The following PIK3R4 variants were observed in gnomAD, a reference collection of about 807,000 sequenced individuals.
PIK3R4 encodes the protein phosphoinositide 3-kinase regulatory subunit 4.
A neutral mutation model predicts 136.5 loss-of-function variants in PIK3R4; 46 were observed. That is an observed-to-expected ratio of 0.34 (90% CI 0.27 to 0.43). The LOEUF (loss-of-function observed/expected upper bound fraction) is 0.43. Ranked by LOEUF, PIK3R4 falls within the 20% of genes least tolerant of loss-of-function variation. The pLI is 1.00. For synonymous variants in PIK3R4, 557 were observed against 566.7 expected (o/e 0.98, Z 0.24); for missense variants, 1,331 against 1,649.5 (o/e 0.81, Z 3.35).
Position 130,745,063 on chromosome 3 carries a change from C to G in PIK3R4, c.156G>C (p.Val52=). 6.2e-7 allele frequency: 1 copy of G among 1,613,214 alleles called. No individual in the cohort carries two copies. The highest frequency in any genetic ancestry group is 8.5e-7 in the Non-Finnish European group (1 of 1,179,840). ...TGGGATCCTGAATTGCAAAAACCTT[C>G]ACAACGACCAGGCCTTCTCGGTGCT... ...RAKHREGLVV[V]KVFAIQDPTL... is the part of the protein sequence containing the mutation. Residue 52 remains valine (V), a synonymous_variant, in exon 2 of 20, where the codon GTG becomes GTC. Transcript: ENST00000356763.
At chr3:130,705,215 T>C (rs1470857402) in intron 12 of PIK3R4, among the ~76,000 whole-genome samples, 1 of 152,190 alleles carries the variant, frequency 6.6e-6, no homozygotes, top group African/African-American at 2.4e-5. Flanking sequence ...ATGTTAAACC[T>C]TCCAGAAATT....
chr3:130,717,400 A>C (rs1434527588), intron 8 of PIK3R4, among the ~76,000 whole-genome samples: 1 of 152,216 alleles, frequency 6.6e-6, no homozygotes, highest in Non-Finnish European at 1.5e-5. Flanking sequence ...CAAACTTTTA[A>C]ATAGAGTAAC....
chr3:130,700,674 G>A (rs2066569506), intron 13 of PIK3R4, among the ~76,000 whole-genome samples: 1 of 152,112 alleles, frequency 6.6e-6, no homozygotes, highest in Non-Finnish European at 1.5e-5. Flanking sequence ...CACTCATGGG[G>A]GAAACTCCTC....
Position 130,712,233 on chromosome 3 carries a change from C to T in PIK3R4, c.2332-3741G>A, listed in dbSNP as rs138682379. 2.3e-3 allele frequency among the ~76,000 whole-genome samples: 352 copies of T among 152,174 alleles called. 1 individual carries two copies. Among genetic ancestry groups the T allele is most frequent in the African/African-American group, 8.0e-3 (330 of 41,486 alleles). ...GCTGGTCTAGAAAGGCCTACTTTAC[C>T]CATGATGTGTCTCAAGTACAGTCCC... On this transcript the variant is annotated intron_variant, in intron 9 of 19. Transcript: ENST00000356763.
intron 6 of PIK3R4, chr3:130,723,937 T>A (rs2066717636): frequency 6.1e-6 from 1 of 164,734 alleles, no homozygotes; most frequent in Non-Finnish European, 1.3e-5. Context: ...TGAAAAGAAT[T>A]CTATTTTCAG....
intron 14 of PIK3R4, 107 bp downstream of exon 14, chr3:130,690,383 T>G (rs998673071): frequency 6.0e-6 from 3 of 502,972 alleles, no homozygotes; most frequent in Non-Finnish European, 1.0e-5. Context: ...AGAAGTGCAA[T>G]GTAAGAGGCC....
chr3:130,722,815 G>A (rs935164810), intron 7 of PIK3R4, among the ~76,000 whole-genome samples: 2 of 150,986 alleles, frequency 1.3e-5, no homozygotes, highest in Non-Finnish European at 2.9e-5. Flanking sequence ...CCAGCACTTC[G>A]GGAGGCTGGA....
chr3:130,679,726 T>C (rs1182423035), intron 19 of PIK3R4, among the ~76,000 whole-genome samples: 1 of 152,162 alleles, frequency 6.6e-6, no homozygotes, highest in Non-Finnish European at 1.5e-5. Flanking sequence ...CTTAGGTCAA[T>C]ATTCTGTGCA....
At chr3:130,699,973 C>A (rs944318347) in intron 13 of PIK3R4, among the ~76,000 whole-genome samples, 10 of 152,226 alleles carry the variant, frequency 6.6e-5, no homozygotes, top group African/African-American at 2.4e-4. Context: ...CACCAGAGGG[C>A]ACTATATGAG....
intron 6 of PIK3R4, among the ~76,000 whole-genome samples, chr3:130,724,481 T>C (rs573038151): frequency 2.0e-5 from 3 of 152,132 alleles, no homozygotes; most frequent in African/African-American, 7.2e-5. Context: ...TTCATAATCA[T>C]GTATTTTGTT....
At position 130,700,318 on chromosome 3, in the gene PIK3R4, T is replaced by G. The variant is rs1033454312; in HGVS notation, c.3098+3405A>C. The stretch of plus-strand genomic sequence containing the variant: ...TGCTCATATTGTTTTAAGTTTTCAC[T>G]GTGATAGAACTCCATTTAGATATTT... On this transcript the variant is annotated intron_variant, in intron 13 of 19. Transcript: ENST00000356763. 2.6e-5 allele frequency among the ~76,000 whole-genome samples: 4 copies of G among 152,342 alleles called. 1 individual carries two copies. Among genetic ancestry groups the G allele is most frequent in the Admixed American group, 6.5e-5 (1 of 15,306 alleles).
chr3:130,724,396 A>T (rs2066720164), intron 6 of PIK3R4, among the ~76,000 whole-genome samples: 1 of 152,156 alleles, frequency 6.6e-6, no homozygotes, highest in Non-Finnish European at 1.5e-5. Flanking sequence ...GGGGAGAGTC[A>T]CTGAATTGGG....
At chr3:130,708,218 T>C in intron 10 of PIK3R4, 73 bp downstream of exon 10, 1 of 1,167,764 alleles carries the variant, frequency 8.6e-7, no homozygotes, top group Middle Eastern at 2.0e-4. Context: ...ATTTTATTAT[T>C]AATTAGCTAA....
intron 12 of PIK3R4, 109 bp downstream of exon 12, chr3:130,705,452 T>C (rs1347843692): frequency 2.8e-6 from 2 of 709,126 alleles, no homozygotes; most frequent in East Asian, 2.6e-5. Context: ...CCAAATAACA[T>C]TTTTGTTCTT....
At chr3:130,714,074 T>C (rs1234320930) in intron 9 of PIK3R4, among the ~76,000 whole-genome samples, 1 of 152,190 alleles carries the variant, frequency 6.6e-6, no homozygotes, top group East Asian at 1.9e-4. Context: ...TGATTTTTAC[T>C]GCACATTGAA....
At chr3:130,714,248 CAAATT>C (rs1407877956) in intron 9 of PIK3R4, among the ~76,000 whole-genome samples, 2 of 152,162 alleles carry the variant, frequency 1.3e-5, no homozygotes, top group Non-Finnish European at 2.9e-5. Context: ...CAAGTCACAT[CAAATT>C]AAATTTTTAA....
chr3:130,733,727 T>C lies in PIK3R4; in HGVS notation c.1271A>G (p.His424Arg). The change falls in exon 4 of 20, where the codon CAT becomes CGT. Residue 424 changes from histidine to arginine, a missense_variant. Transcript: ENST00000356763. ...LLDRITPYLL[H>R]FSNDSVPRVR... Reference sequence around the variant, plus strand: ...CCTAGGAACAGAGTCATTGCTGAAATGCAAAAGATATGGAGTAATACGATC... The same window carrying C: ...CCTAGGAACAGAGTCATTGCTGAAACGCAAAAGATATGGAGTAATACGATC... The C allele has an allele frequency of 3.7e-6, 6 of 1,614,152 alleles. No homozygotes were observed. The highest frequency in any genetic ancestry group is 5.1e-6 in the Non-Finnish European group (6 of 1,179,996).
chr3:130,682,273 G>C (rs1392876294), intron 16 of PIK3R4, among the ~76,000 whole-genome samples: 1 of 152,190 alleles, frequency 6.6e-6, no homozygotes, highest in Non-Finnish European at 1.5e-5. Context: ...AGCAAGAACA[G>C]AAAGCAGTAT....
intron 9 of PIK3R4, among the ~76,000 whole-genome samples, chr3:130,712,856 A>G (rs1162523164): frequency 1.3e-5 from 2 of 152,166 alleles, no homozygotes; most frequent in African/African-American, 4.8e-5. Context: ...CTAAGTCTGT[A>G]TAAAACCCAA....
Sources: allele counts gnomAD v4.1 joint callset (sites outside exome capture counted in the v4.1 genomes callset), GRCh38; gene constraint gnomAD v4.1.1; transcripts MANE v1.5; gene names NCBI Gene and HGNC (gene_info 2026-07-23, HGNC 2026-07-21).